The following PRKN variants were observed in gnomAD, a reference collection of about 807,000 sequenced individuals.
The protein encoded by PRKN is E3 ubiquitin-protein ligase parkin.
PRKN carries 56 observed loss-of-function variants against 59.5 expected under a neutral mutation model. The ratio of observed to expected loss-of-function variants is 0.94; its 90% confidence interval spans 0.76 to 1.18. The LOEUF is 1.18. PRKN is among the 50% of genes most tolerant of loss of function. The pLI, the probability that PRKN is intolerant of heterozygous loss-of-function variation, is 0.00. For missense variants in PRKN, 657 were observed against 596.4 expected, an observed-to-expected ratio of 1.10 and a Z score of -1.06; for synonymous variants, 250 against 222.1, an observed-to-expected ratio of 1.13 and a Z score of -1.12.
Position 161,576,793 on chromosome 6 carries a change from T to C in PRKN, c.872-7377A>G, listed in dbSNP as rs907049300. On this transcript the variant is annotated intron_variant, in intron 7 of 11. Transcript: ENST00000366898. The surrounding 1 kb of genome is among the most constrained non-coding windows in gnomAD (Gnocchi z 4.6). ...AAGTGTTCATTTCTTATTGAGACCA[T>C]GACACTGAAGCACAGATTTTTAGGA... Among the ~76,000 whole-genome samples the C allele has an allele frequency of 6.6e-6, 1 of 152,224 alleles. No homozygotes were observed. The highest frequency in any genetic ancestry group is 1.5e-5 in the Non-Finnish European group (1 of 68,042).
intron 1 of PRKN, among the ~76,000 whole-genome samples, chr6:162,560,077 C>T (rs79351298): frequency 1.6e-3 from 245 of 152,186 alleles, no homozygotes; most frequent in African/African-American, 5.7e-3. Context: ...AATATGATGA[C>T]AGAAGGGGAT....
At chr6:162,486,668 A>G (rs568623070) in intron 1 of PRKN, among the ~76,000 whole-genome samples, 57 of 152,352 alleles carry the variant, frequency 3.7e-4, no homozygotes, top group Non-Finnish European at 6.8e-4. Context: ...CCAACAAGAA[A>G]GACTATTTTA....
intron 7 of PRKN, among the ~76,000 whole-genome samples, chr6:161,577,918 T>G (rs1489130441): frequency 6.6e-6 from 1 of 152,158 alleles, no homozygotes; most frequent in Non-Finnish European, 1.5e-5. Context: ...TTATCCTTAT[T>G]GGCCGGAGGT....
intron 8 of PRKN, among the ~76,000 whole-genome samples, chr6:161,558,395 CG>C (rs993183238): frequency 6.6e-6 from 1 of 151,646 alleles, no homozygotes. Flanking sequence ...GACCCCATTT[CG>C]ACAAAAAATT....
intron 7 of PRKN, among the ~76,000 whole-genome samples, chr6:161,675,534 T>A (rs7739751): frequency 0.14 from 20,890 of 152,214 alleles, 2,728 homozygotes; most frequent in African/African-American, 0.34. Flanking sequence ...TGATGCTGTA[T>A]TTTACTTCTG....
chr6:162,014,602 C>T (rs536849621), intron 5 of PRKN, among the ~76,000 whole-genome samples: 4 of 152,298 alleles, frequency 2.6e-5, no homozygotes, highest in East Asian at 1.9e-4. Flanking sequence ...GAAACAGGAA[C>T]GGAAGCGAGC....
At chr6:162,008,069 G>C (rs1782330073) in intron 5 of PRKN, among the ~76,000 whole-genome samples, 2 of 152,140 alleles carry the variant, frequency 1.3e-5, no homozygotes, top group African/African-American at 4.8e-5. Flanking sequence ...AGGGATAAGA[G>C]GCATAACTGG....
chr6:162,173,025 T>C (rs1783360311), intron 4 of PRKN, among the ~76,000 whole-genome samples: 1 of 152,102 alleles, frequency 6.6e-6, no homozygotes, highest in African/African-American at 2.4e-5. Context: ...GGGAATTGAA[T>C]GGCTTGGGGA....
At chr6:162,276,896 T>A (rs1189101810) in intron 2 of PRKN, among the ~76,000 whole-genome samples, 2 of 152,100 alleles carry the variant, frequency 1.3e-5, no homozygotes, top group Non-Finnish European at 2.9e-5. Context: ...CAATACCCTA[T>A]GTTCTATGAC....
rs749768565 is a variant in PRKN at position 161,548,949 on chromosome 6, C to A, written c.988G>T (p.Val330Leu). Residue 330 changes from valine (V) to leucine (L), a missense_variant, in exon 9 of 12, where the codon GTG (valine) becomes TTG (leucine). Physicochemically the swap from Val to Leu is conservative, Grantham distance 32 (BLOSUM62 1). Transcript: ENST00000366898. The surrounding 1 kb of genome is among the most constrained non-coding windows in gnomAD (Gnocchi z 4.2). ...CCACAGCCAGGGCGGGGGCATAACA[C>A]GCCCCCCATCTGCAGGACACACTCC... ...AEECVLQMGG[V>L]LCPRPGCGAG... 8.7e-6 allele frequency: 14 copies of A among 1,613,888 alleles called. No homozygotes were observed. Among genetic ancestry groups the A allele is most frequent in the Admixed American group, 3.3e-5 (2 of 60,026 alleles).
chr6:162,476,194 AT>A (rs908468296), intron 1 of PRKN, among the ~76,000 whole-genome samples: 3 of 151,780 alleles, frequency 2.0e-5, no homozygotes, highest in Non-Finnish European at 2.9e-5. Context: ...AGTAGCTGGG[AT>A]TACAGGCATG....
chr6:161,480,089 G>A lies in PRKN; in HGVS notation c.1083+68765C>T, dbSNP rs1046265638. Among the ~76,000 whole-genome samples, 3 of 152,226 alleles carry A rather than the reference G, an allele frequency of 2.0e-5. No individual in the cohort carries two copies. Among genetic ancestry groups the A allele is most frequent in the East Asian group, 1.9e-4 (1 of 5,192 alleles). ...TTGATGAGGAGGGCAGCCTTCAGCC[G>A]TGTGCAGGCCATAGCATGAGCGAGA... On this transcript the variant is annotated intron_variant, in intron 9 of 11. Transcript: ENST00000366898. This position sits in a 1 kb window ranked among gnomAD's most constrained non-coding sequence, Gnocchi z 4.1.
Position 161,363,728 on chromosome 6 carries a change from T to C in PRKN, c.1168-3523A>G, listed in dbSNP as rs1785073874. Among the ~76,000 whole-genome samples, 1 of 152,228 alleles carries C rather than the reference T, an allele frequency of 6.6e-6. No homozygotes were observed. Among genetic ancestry groups the C allele is most frequent in the African/African-American group, 2.4e-5 (1 of 41,452 alleles). On this transcript the variant is annotated intron_variant, in intron 10 of 11. Coordinates refer to ENST00000366898, the MANE Select transcript of PRKN (RefSeq NM_004562.3). This position sits in a 1 kb window ranked among gnomAD's most constrained non-coding sequence, Gnocchi z 4.1. ...ATGCATGGGTGCTGGCAGACAGTGA[T>C]GGTATCTTCAAAGCACTGACAGAAA...
At chr6:161,952,738 T>G (rs1780035283) in intron 6 of PRKN, among the ~76,000 whole-genome samples, 4 of 152,192 alleles carry the variant, frequency 2.6e-5, no homozygotes, top group Admixed American at 2.6e-4. Context: ...AGACAGATAT[T>G]TATGTGTGAT....
chr6:161,781,925 G>A (rs1790223128), intron 7 of PRKN, among the ~76,000 whole-genome samples: 1 of 152,202 alleles, frequency 6.6e-6, no homozygotes, highest in Non-Finnish European at 1.5e-5. Flanking sequence ...CTCCCCTGTT[G>A]GGGAGGAAGT....
At chr6:162,467,490 A>G (rs4709619) in intron 1 of PRKN, among the ~76,000 whole-genome samples, 109,356 of 152,026 alleles carry the variant, frequency 0.72, 41,043 homozygotes, top group African/African-American at 0.93. Flanking sequence ...AAATTTAGCG[A>G]TCGTCATCAG....
intron 6 of PRKN, among the ~76,000 whole-genome samples, chr6:161,971,474 C>G (rs952370440): frequency 3.3e-5 from 5 of 152,218 alleles, no homozygotes; most frequent in Admixed American, 2.0e-4. Context: ...CAGTCAAGCC[C>G]TCGCTTTTAG....
At chr6:162,379,510 C>T (rs1200282445) in intron 2 of PRKN, among the ~76,000 whole-genome samples, 2 of 152,192 alleles carry the variant, frequency 1.3e-5, no homozygotes, top group Non-Finnish European at 2.9e-5. Context: ...CTTACTACTT[C>T]AAGTTTCTAA....
intron 9 of PRKN, among the ~76,000 whole-genome samples, chr6:161,416,157 T>C (rs76812965): frequency 0.024 from 3,723 of 152,164 alleles, 157 homozygotes; most frequent in African/African-American, 0.086. Context: ...CAATCACATT[T>C]TACTGGGACA....
Sources: allele counts gnomAD v4.1 joint callset (sites outside exome capture counted in the v4.1 genomes callset), GRCh38; gene constraint gnomAD v4.1.1; non-coding constraint Gnocchi (gnomAD v3.1); transcripts MANE v1.5; gene names NCBI Gene and HGNC (gene_info 2026-07-23, HGNC 2026-07-21).